The following IL22RA1 variants were observed in gnomAD, a reference collection of about 807,000 sequenced individuals.
IL22RA1 encodes the protein interleukin 22 receptor subunit alpha 1.
IL22RA1 carries 25 observed loss-of-function variants against 32.8 expected under a neutral mutation model. The ratio of observed to expected loss-of-function variants is 0.76; its 90% CI spans 0.55 to 1.06. The LOEUF (loss-of-function observed/expected upper bound fraction) is 1.06, where lower values mean the gene tolerates loss of function less well. Ranked by LOEUF, IL22RA1 falls within the 50% of genes least tolerant of loss-of-function variation. The pLI, the probability that IL22RA1 is intolerant of heterozygous loss-of-function variation, is 0.00. For missense variants in IL22RA1, 709 were observed against 727.4 expected (o/e 0.97, Z 0.29); for synonymous variants, 305 against 305.0 (o/e 1.00, Z 0.00).
rs532529458 is a variant in IL22RA1 at position 24,131,248 on chromosome 1, G to A, written c.531+2963C>T. On this transcript the variant is annotated intron_variant, in intron 4 of 6. Coordinates refer to ENST00000270800, the MANE Select transcript of IL22RA1 (RefSeq NM_021258.4). ...AAGAAAGATTGATAAGGGAGAATTA[G>A]ATAGTGGTGATGGTTTCACAACTTT... Among the ~76,000 whole-genome samples, 3 of 151,510 alleles carry A rather than the reference G, an allele frequency of 2.0e-5. No homozygotes were observed. The South Asian group carries it at 6.2e-4, about 31-fold the overall frequency.
chr1:24,134,923 T>C, intron 3 of IL22RA1: 1 of 734,840 alleles, frequency 1.4e-6, no homozygotes, highest in Non-Finnish European at 1.7e-6. Context: ...TGATGAATGC[T>C]GTGGGTCTTC....
In IL22RA1 at chr1:24,123,479, C is replaced by G. The variant is rs565771936; in HGVS notation, c.671-56G>C. The G allele has an allele frequency of 1.7e-5, 27 of 1,585,328 alleles. No individual in the cohort carries two copies. In the Admixed American group the frequency reaches 1.8e-4, roughly 11 times the overall value. On this transcript the variant is annotated intron_variant, in intron 5 of 6. Coordinates refer to ENST00000270800, the MANE Select transcript of IL22RA1 (RefSeq NM_021258.4). Reference sequence around the variant, plus strand: ...CGTGAGGCTGGGCTCTGCCTGGGCCCGGTTGGGTCTGGCCCCACATGTGGA... The same window carrying G: ...CGTGAGGCTGGGCTCTGCCTGGGCCGGGTTGGGTCTGGCCCCACATGTGGA...
rs74063508 is a variant in IL22RA1, at chr1:24,123,029, A to G, written c.792+273T>C. ...TTGCCTTGCTGCTCACTCAAGTCCCACACTACCCTCCTGGTGCTGGACACT... is the reference window on the plus strand; with the variant it reads ...TTGCCTTGCTGCTCACTCAAGTCCCGCACTACCCTCCTGGTGCTGGACACT... On this transcript the variant is annotated intron_variant, in intron 6 of 6. Coordinates refer to ENST00000270800, the MANE Select transcript of IL22RA1 (RefSeq NM_021258.4). 2.5e-3 allele frequency among the ~76,000 whole-genome samples: 387 copies of G among 152,118 alleles called. 1 individual carries two copies. The highest frequency in any genetic ancestry group is 8.7e-3 in the African/African-American group (362 of 41,496).
chr1:24,123,822 G>T lies in IL22RA1; in HGVS notation c.671-399C>A, dbSNP rs1018011483. ...GCCCAGCCCAGTTCCATCCCACACT[G>T]CCAGGGCCCTCACGCACATGTGTAT... On this transcript the variant is annotated intron_variant, in intron 5 of 6. Coordinates refer to ENST00000270800, the MANE Select transcript of IL22RA1 (RefSeq NM_021258.4). Among the ~76,000 whole-genome samples, 5 of 152,040 alleles carry T rather than the reference G, an allele frequency of 3.3e-5. No homozygotes were observed. The South Asian group carries it at 6.2e-4, about 19-fold the overall frequency.
At chr1:24,122,242 G>A (rs947969776) in intron 6 of IL22RA1, among the ~76,000 whole-genome samples, 3 of 152,180 alleles carry the variant, frequency 2.0e-5, no homozygotes, top group African/African-American at 4.8e-5. Context: ...AGCAGGCTCC[G>A]GGTGCCTCAG....
At position 24,120,575 on chromosome 1, in the gene IL22RA1, A is replaced by C; in HGVS notation, c.*230T>G. ...GCTCAGCGAGCACGCGCTTGTCTAC[A>C]CAAGCTGCTCCCCAGAGCTCCCCCG... is the stretch of plus-strand genomic sequence containing the variant. On this transcript the variant is annotated 3_prime_UTR_variant, in exon 7 of 7. Coordinates refer to ENST00000270800, the MANE Select transcript of IL22RA1 (RefSeq NM_021258.4). 3.9e-6 allele frequency: 2 copies of C among 507,530 alleles called. No individual in the cohort carries two copies. Among genetic ancestry groups the C allele is most frequent in the Non-Finnish European group, 6.9e-6 (2 of 287,828 alleles). The allele number at this position is 507,530 out of a possible 1,614,324, so 31.4% of individuals were successfully genotyped here. A position where few individuals can be genotyped will look rare whatever the true frequency, so the allele number is the denominator to read the frequency against.
intron 5 of IL22RA1, among the ~76,000 whole-genome samples, chr1:24,127,252 A>C (rs1644172274): frequency 6.6e-6 from 1 of 152,084 alleles, no homozygotes; most frequent in South Asian, 2.1e-4. Context: ...TGGTAAGAGC[A>C]TGGCCTCTAG....
Position 24,121,675 on chromosome 1 carries a change from A to C in IL22RA1, c.855T>G (p.Pro285=), listed in dbSNP as rs148247702. Reference sequence around the variant, plus strand: ...TGCTGGGGCCGCTGAGGTCAAAGACAGGGATCAGGACGTGCTCCTGGATGA... The same window carrying C: ...TGCTGGGGCCGCTGAGGTCAAAGACCGGGATCAGGACGTGCTCCTGGATGA... ...LRFIQEHVLI[P]VFDLSGPSSL... The change falls in exon 7 of 7, where the codon CCT becomes CCG. Residue 285 remains proline (P), a synonymous_variant. Coordinates refer to ENST00000270800, the MANE Select transcript of IL22RA1 (RefSeq NM_021258.4). 7 of 1,603,518 alleles carry C rather than the reference A, an allele frequency of 4.4e-6. No individual in the cohort carries two copies. Among genetic ancestry groups the C allele is most frequent in the Non-Finnish European group, 6.0e-6 (7 of 1,173,494 alleles).
rs375151386 is a variant in IL22RA1 at position 24,121,246 on chromosome 1, T to G, written c.1284A>C (p.Lys428Asn). 1.9e-6 allele frequency: 3 copies of G among 1,614,068 alleles called. No individual in the cohort carries two copies. In the African/African-American group the frequency reaches 4.0e-5, roughly 22 times the overall value. ...CTGGTGGCTCTTTCTGAAGCTGACC[T>G]TTAGGCCTAAGGTGTTTAGGACTAG... ...TLSSPKHLRP[K>N]GQLQKEPPAG... is the part of the protein sequence containing the mutation. Residue 428 changes from lysine (K) to asparagine (N), a missense_variant, in exon 7 of 7, where the codon AAA becomes AAC. Coordinates refer to ENST00000270800, the MANE Select transcript of IL22RA1 (RefSeq NM_021258.4).
In IL22RA1 at chr1:24,138,646, T is replaced by A. The variant is rs754955008; in HGVS notation, c.112A>T (p.Ile38Phe). 2 of 1,614,186 alleles carry A rather than the reference T, an allele frequency of 1.2e-6. No homozygotes were observed. The highest frequency in any genetic ancestry group is 4.5e-5 in the East Asian group (2 of 44,874). Residue 38 changes from isoleucine to phenylalanine, a missense_variant, in exon 2 of 7, where the codon ATC becomes TTC. By Grantham distance (21) the Ile-to-Phe change is conservative. Coordinates refer to ENST00000270800, the MANE Select transcript of IL22RA1 (RefSeq NM_021258.4). Reference protein sequence around the residue: ...VKFQSSNFENILTWDSGPEGT... With the variant: ...VKFQSSNFENFLTWDSGPEGT... The stretch of plus-strand genomic sequence containing the variant: ...TCCGGCCCGCTGTCCCACGTCAGGA[T>A]GTTTTCAAAGTTGCTGGACTGGAAT...
chr1:24,127,392 G>A (rs1644173303), intron 5 of IL22RA1, among the ~76,000 whole-genome samples: 2 of 151,730 alleles, frequency 1.3e-5, no homozygotes, highest in Admixed American at 6.6e-5. Flanking sequence ...GCTCTTTGCA[G>A]CTTCAACCTC....
chr1:24,136,685 G>A (rs901677120), intron 3 of IL22RA1, among the ~76,000 whole-genome samples: 9 of 152,200 alleles, frequency 5.9e-5, no homozygotes, highest in East Asian at 1.9e-4. Flanking sequence ...GCAGGGCCTC[G>A]TGGGCCGTGG....
At chr1:24,129,703 A>G (rs1011184328) in intron 4 of IL22RA1, among the ~76,000 whole-genome samples, 1 of 152,196 alleles carries the variant, frequency 6.6e-6, no homozygotes, top group African/African-American at 2.4e-5. Flanking sequence ...TCTCTTTTTC[A>G]GGCACATGGA....
intron 5 of IL22RA1, 31 bp from the exon 6 acceptor site, chr1:24,123,454 C>A: frequency 6.2e-7 from 1 of 1,606,344 alleles, no homozygotes; most frequent in Non-Finnish European, 8.5e-7. Flanking sequence ...GAGAAGGAAG[C>A]GTGAGGCTGG....
At chr1:24,123,569 A>G (rs1557626239) in intron 5 of IL22RA1, 146 bp from the exon 6 acceptor site, 2 of 1,476,496 alleles carry the variant, frequency 1.4e-6, no homozygotes, top group Non-Finnish European at 1.8e-6. Context: ...AAGATCACAA[A>G]TGGAAGTCCA....
chr1:24,138,612 G>C lies in IL22RA1; in HGVS notation c.146C>G (p.Pro49Arg), dbSNP rs1644259085. 1.2e-6 allele frequency: 2 copies of C among 1,614,032 alleles called. No individual in the cohort carries two copies. The highest frequency in any genetic ancestry group is 1.7e-6 in the Non-Finnish European group (2 of 1,180,016). Residue 49 changes from proline (P) to arginine (R), a missense_variant, in exon 2 of 7, where the codon CCA becomes CGA. Transcript: ENST00000270800. Reference protein sequence around the residue: ...LTWDSGPEGTPDTVYSIEYKT... With the variant: ...LTWDSGPEGTRDTVYSIEYKT... ...ATACTCGATGCTGTAGACCGTGTCT[G>C]GGGTGCCCTCCGGCCCGCTGTCCCA... is the stretch of plus-strand genomic sequence containing the variant.
rs1644247895 is a variant in IL22RA1 at position 24,137,138 on chromosome 1, CAG to C, written c.346_347del (p.Leu116AlafsTer9). ...ACAGGGGCTCCAACTCACTGTGCTG[CAG>C]AGAGCTGAACCTGTCAGTCATCTTG... is the stretch of plus-strand genomic sequence containing the variant. ...ATKMTDRFSSLQHTTLKPPDV... is the reference protein window; with the variant it reads ...ATKMTDRFSSXQHTTLKPPDV... On this transcript the variant is annotated frameshift_variant, in exon 3 of 7. Coordinates refer to ENST00000270800, the MANE Select transcript of IL22RA1 (RefSeq NM_021258.4). LOFTEE classifies it high-confidence loss of function. The C allele has an allele frequency of 6.2e-7, 1 of 1,612,844 alleles. No individual in the cohort carries two copies.
intron 1 of IL22RA1, among the ~76,000 whole-genome samples, chr1:24,142,418 C>G (rs565205094): frequency 1.3e-5 from 2 of 152,230 alleles, no homozygotes; most frequent in Admixed American, 6.5e-5. Flanking sequence ...ATGAGCCCCC[C>G]ACTCCGCTCA....
chr1:24,137,085 C>A (rs780836581), intron 3 of IL22RA1, 46 bp downstream of exon 3: 4 of 1,576,688 alleles, frequency 2.5e-6, no homozygotes, highest in Non-Finnish European at 3.5e-6. Context: ...CAAACACCTG[C>A]GCTTTCCTCT....
Sources: allele counts gnomAD v4.1 joint callset (sites outside exome capture counted in the v4.1 genomes callset), GRCh38; gene constraint gnomAD v4.1.1; transcripts MANE v1.5; gene names NCBI Gene and HGNC (gene_info 2026-07-23, HGNC 2026-07-21).